Variants in TBC1D1 observed in about 807,000 individuals in gnomAD.
TBC1D1 encodes TBC1 (tre-2/USP6, BUB2, cdc16) domain family, member 1.
TBC1D1 carries 89 observed loss-of-function variants against 125.6 expected under a neutral mutation model. The ratio of observed to expected loss-of-function variants is 0.71; its 90% CI spans 0.60 to 0.85. The LOEUF (loss-of-function observed/expected upper bound fraction) is 0.85, where lower values mean the gene tolerates loss of function less well. Ranked by LOEUF, TBC1D1 falls within the 40% of genes least tolerant of loss-of-function variation. The pLI is 0.00. For missense variants in TBC1D1, 1,377 were observed against 1,469.2 expected, an observed-to-expected ratio of 0.94 and a Z score of 1.03; for synonymous variants, 565 against 564.1, an observed-to-expected ratio of 1.00 and a Z score of -0.02.
intron 7 of TBC1D1, among the ~76,000 whole-genome samples, chr4:38,033,021 C>A (rs946108864): frequency 1.3e-5 from 2 of 152,116 alleles, no homozygotes; most frequent in Admixed American, 6.5e-5. Context: ...GCTTTAGTGA[C>A]TTCTGTATGA....
At chr4:38,035,298 T>C (rs1252963368) in intron 7 of TBC1D1, among the ~76,000 whole-genome samples, 1 of 152,240 alleles carries the variant, frequency 6.6e-6, no homozygotes, top group African/African-American at 2.4e-5. Flanking sequence ...TTTTTCCTCT[T>C]GTTTTAAAAA....
intron 2 of TBC1D1, among the ~76,000 whole-genome samples, chr4:37,974,790 C>T (rs1732734203): frequency 6.6e-6 from 1 of 152,008 alleles, no homozygotes; most frequent in Non-Finnish European, 1.5e-5. Context: ...AACTCCTGAC[C>T]CCAGGTGATC....
chr4:37,932,057 TG>T (rs1326834132), intron 2 of TBC1D1, among the ~76,000 whole-genome samples: 1 of 152,192 alleles, frequency 6.6e-6, no homozygotes, highest in East Asian at 1.9e-4. Context: ...CATCTGTCAT[TG>T]TTTTTCCCCC....
chr4:38,091,303 G>A (rs1035743524), intron 13 of TBC1D1, among the ~76,000 whole-genome samples: 4 of 152,226 alleles, frequency 2.6e-5, no homozygotes, highest in African/African-American at 9.6e-5. Flanking sequence ...GAGAAAGACG[G>A]GTCCTCTCAT....
intron 2 of TBC1D1, among the ~76,000 whole-genome samples, chr4:37,936,864 A>G (rs948118460): frequency 1.3e-5 from 2 of 152,194 alleles, no homozygotes; most frequent in African/African-American, 2.4e-5. Flanking sequence ...TATTGAATGA[A>G]CTAATGAGCA....
At chr4:37,960,689 G>A in intron 2 of TBC1D1, 1 of 1,614,200 alleles carries the variant, frequency 6.2e-7, no homozygotes, top group Non-Finnish European at 8.5e-7. Flanking sequence ...AACAAAAACA[G>A]CCAAGCTTTT....
chr4:38,057,859 C>T (rs1007664001), intron 12 of TBC1D1, among the ~76,000 whole-genome samples: 1 of 152,160 alleles, frequency 6.6e-6, no homozygotes, highest in African/African-American at 2.4e-5. Flanking sequence ...GACCTGAGCT[C>T]GCGGGTCTGA....
At chr4:37,905,669 C>G (rs550527333) in intron 2 of TBC1D1, among the ~76,000 whole-genome samples, 70 of 152,294 alleles carry the variant, frequency 4.6e-4, no homozygotes, top group African/African-American at 1.5e-3. Context: ...ATTCTTTGGC[C>G]CTCCAGAAAG....
rs772354094 is a variant in TBC1D1 at position 38,045,904 on chromosome 4, G to A, written c.1629+1G>A. On this transcript the variant is annotated splice_donor_variant, in intron 10 of 19. Coordinates refer to ENST00000261439, the MANE Select transcript of TBC1D1 (RefSeq NM_015173.4). LOFTEE classifies it high-confidence loss of function. ...TAGTACATTAAGTAACACCAGCAAA[G>A]TAAGCACATTTCTCTTTATACGACA... 1.1e-5 allele frequency: 18 copies of A among 1,613,606 alleles called. No homozygotes were observed. The highest frequency in any genetic ancestry group is 1.5e-5 in the Non-Finnish European group (18 of 1,179,544).
intron 15 of TBC1D1, among the ~76,000 whole-genome samples, chr4:38,109,051 C>T (rs1284881048): frequency 6.6e-6 from 1 of 152,136 alleles, no homozygotes; most frequent in Non-Finnish European, 1.5e-5. Flanking sequence ...CTGGCGGGGA[C>T]CACAGTGTTC....
Position 38,006,844 on chromosome 4 carries a change from C to T in TBC1D1, c.418-7665C>T, listed in dbSNP as rs1480906928. 2.7e-5 allele frequency: 14 copies of T among 513,254 alleles called. No homozygotes were observed. The East Asian group carries it at 7.3e-4, about 27-fold the overall frequency. 31.8% of individuals were successfully genotyped at this position (513,254 alleles called of 1,614,324 possible). ...TCTTTGGTTTCCCCTTTCCACGAAG[C>T]TTCTTTTGTCATCTTTGCTCATCCT... On this transcript the variant is annotated intron_variant, in intron 2 of 19. Transcript: ENST00000261439.
Position 37,977,228 on chromosome 4 carries a change from C to A in TBC1D1, c.418-37281C>A, listed in dbSNP as rs558851860. On this transcript the variant is annotated intron_variant, in intron 2 of 19. Coordinates refer to ENST00000261439, the MANE Select transcript of TBC1D1 (RefSeq NM_015173.4). The surrounding 1 kb of genome is among the most constrained non-coding windows in gnomAD (Gnocchi z 4.3). ...GCGGGGGTGGGCGGGGTCGGCTGCGCGCCCTCCCCTCCTCTCCCCTCCTCC... is the reference window on the plus strand; with the variant it reads ...GCGGGGGTGGGCGGGGTCGGCTGCGAGCCCTCCCCTCCTCTCCCCTCCTCC... The A allele has an allele frequency of 6.6e-6, 1 of 151,348 alleles. No homozygotes were observed. Among genetic ancestry groups the A allele is most frequent in the African/African-American group, 2.4e-5 (1 of 41,310 alleles). The allele number at this position is 151,348 out of a possible 1,614,324, so 9.4% of individuals were successfully genotyped here.
intron 14 of TBC1D1, among the ~76,000 whole-genome samples, chr4:38,099,010 T>G (rs1157259736): frequency 6.6e-6 from 1 of 152,214 alleles, no homozygotes; most frequent in Non-Finnish European, 1.5e-5. Flanking sequence ...TCTAAAGATA[T>G]CTAGATAGAA....
chr4:37,917,406 T>C (rs1024518285), intron 2 of TBC1D1, among the ~76,000 whole-genome samples: 1 of 151,822 alleles, frequency 6.6e-6, no homozygotes, highest in Non-Finnish European at 1.5e-5. Context: ...ACCCGGGAGG[T>C]AGAGGTTGCA....
At chr4:38,114,602 G>A (rs1029467140) in intron 15 of TBC1D1, among the ~76,000 whole-genome samples, 5 of 152,146 alleles carry the variant, frequency 3.3e-5, no homozygotes, top group Non-Finnish European at 5.9e-5. Context: ...TTTCTTAATC[G>A]TTTCAAGTAC....
intron 2 of TBC1D1, among the ~76,000 whole-genome samples, chr4:37,966,590 A>G (rs994390040): frequency 2.0e-5 from 3 of 152,186 alleles, no homozygotes; most frequent in Non-Finnish European, 4.4e-5. Flanking sequence ...GGTTTATTTT[A>G]TAATCTATGA....
At chr4:38,095,559 A>G (rs2152546127) in intron 13 of TBC1D1, among the ~76,000 whole-genome samples, 1 of 152,364 alleles carries the variant, frequency 6.6e-6, no homozygotes, top group East Asian at 1.9e-4. Flanking sequence ...AAAAAATTGC[A>G]TCAAGTTGTA....
chr4:38,115,267 A>AT (rs1288724833), intron 15 of TBC1D1, among the ~76,000 whole-genome samples: 1 of 151,462 alleles, frequency 6.6e-6, no homozygotes, highest in African/African-American at 2.4e-5. Flanking sequence ...CGCCTGACTA[A>AT]TTTTTTCTAT....
chr4:38,051,816 C>T (rs1306012672), intron 11 of TBC1D1, 83 bp from the exon 12 acceptor site: 4 of 1,363,114 alleles, frequency 2.9e-6, no homozygotes, highest in East Asian at 2.5e-5. Flanking sequence ...AAGCGGTGTG[C>T]TCCTTCCACC....
Sources: allele counts gnomAD v4.1 joint callset (sites outside exome capture counted in the v4.1 genomes callset), GRCh38; gene constraint gnomAD v4.1.1; non-coding constraint Gnocchi (gnomAD v3.1); transcripts MANE v1.5; gene names NCBI Gene and HGNC (gene_info 2026-07-23, HGNC 2026-07-21).